The following SCAPER variants were observed in gnomAD, a reference collection of about 807,000 sequenced individuals.
The protein encoded by SCAPER is S-phase cyclin A associated protein in the ER, also known as S phase cyclin A-associated protein in the endoplasmic reticulum.
Under a neutral mutation model 182.2 loss-of-function variants are expected in SCAPER, and 98 were observed. That is an observed-to-expected ratio of 0.54 (90% confidence interval 0.46 to 0.64). The LOEUF (loss-of-function observed/expected upper bound fraction) is 0.64, where lower values mean the gene tolerates loss of function less well. Among genes scored for constraint, SCAPER ranks in the 30% least tolerant of loss-of-function variants. SCAPER has a pLI of 0.00. For synonymous variants in SCAPER, 605 were observed against 564.6 expected (o/e 1.07, Z -1.01); for missense variants, 1,432 against 1,690.0 (o/e 0.85, Z 2.68).
chr15:76,652,520 C>T (rs1160403999), intron 21 of SCAPER, among the ~76,000 whole-genome samples: 4 of 47,374 alleles, frequency 8.4e-5, no homozygotes, highest in Non-Finnish European at 1.7e-4. Flanking sequence ...TACATACATA[C>T]ACACACACAC....
intron 27 of SCAPER, among the ~76,000 whole-genome samples, chr15:76,390,781 G>A (rs1228115821): frequency 6.6e-6 from 1 of 152,130 alleles, no homozygotes; most frequent in Non-Finnish European, 1.5e-5. Flanking sequence ...TTGGGCTGAA[G>A]GAGCTCTGCC....
intron 5 of SCAPER, among the ~76,000 whole-genome samples, chr15:76,838,623 A>G (rs1280384801): frequency 6.6e-6 from 1 of 152,134 alleles, no homozygotes; most frequent in Non-Finnish European, 1.5e-5. Context: ...GTGCTACAAA[A>G]TCTCTAAGAT....
In SCAPER at chr15:76,813,249, A is replaced by AAC. The variant is rs1555617102; in HGVS notation, c.394-8617_394-8616insGT. On this transcript the variant is annotated intron_variant, in intron 5 of 31. Coordinates refer to ENST00000563290, the MANE Select transcript of SCAPER (RefSeq NM_020843.4). ...CACTAAAAAAAAAAAAAAAAAAAAA[A>AAC]AAAAAACAACTCAACAAAATAGGTA... Among the ~76,000 whole-genome samples the AAC allele has an allele frequency of 8.5e-3, 509 of 60,166 alleles. 28 individuals carry two copies. Among genetic ancestry groups the AAC allele is most frequent in the East Asian group, 0.023 (46 of 2,022 alleles). The allele number at this position is 60,166 out of a possible 152,430, so 39.5% of individuals were successfully genotyped here. A position where few individuals can be genotyped will look rare whatever the true frequency, so the allele number is the denominator to read the frequency against.
intron 25 of SCAPER, among the ~76,000 whole-genome samples, chr15:76,451,746 G>C (rs879307169): frequency 2.0e-5 from 3 of 152,156 alleles, no homozygotes; most frequent in Admixed American, 2.0e-4. Flanking sequence ...ACTTAGCTGT[G>C]TGTATGACCT....
At chr15:76,882,084 G>A (rs1361732823) in intron 2 of SCAPER, among the ~76,000 whole-genome samples, 1 of 152,046 alleles carries the variant, frequency 6.6e-6, no homozygotes, top group Non-Finnish European at 1.5e-5. Flanking sequence ...TGAGGACAGT[G>A]GAATCTCTTT....
chr15:76,724,135 C>T (rs1437698284), intron 17 of SCAPER, among the ~76,000 whole-genome samples: 1 of 124,630 alleles, frequency 8.0e-6, no homozygotes, highest in Non-Finnish European at 1.7e-5. Flanking sequence ...CAAAATCTCT[C>T]AGTCTTTGCT....
chr15:76,818,355 C>T (rs2067247839), intron 5 of SCAPER, among the ~76,000 whole-genome samples: 1 of 152,102 alleles, frequency 6.6e-6, no homozygotes. Flanking sequence ...TAAAGTATAA[C>T]TTGCAGGGAA....
At chr15:76,752,534 G>A (rs2062153956) in intron 15 of SCAPER, among the ~76,000 whole-genome samples, 1 of 151,696 alleles carries the variant, frequency 6.6e-6, no homozygotes, top group East Asian at 1.9e-4. Context: ...ACATACAATG[G>A]AAAATTACTC....
At chr15:76,802,810 G>A (rs760685820) in intron 6 of SCAPER, among the ~76,000 whole-genome samples, 20 of 152,112 alleles carry the variant, frequency 1.3e-4, no homozygotes, top group East Asian at 1.9e-4. Flanking sequence ...GGCAGGAGGC[G>A]GGGGGAAGCA....
chr15:76,440,825 A>G (rs761497278), intron 25 of SCAPER, among the ~76,000 whole-genome samples: 1 of 151,414 alleles, frequency 6.6e-6, no homozygotes, highest in Admixed American at 6.6e-5. Flanking sequence ...AACAATTTAC[A>G]TGGCTTGAAA....
intron 26 of SCAPER, among the ~76,000 whole-genome samples, chr15:76,431,192 C>A (rs1048940069): frequency 5.5e-5 from 7 of 128,374 alleles, no homozygotes; most frequent in Non-Finnish European, 1.0e-4. Flanking sequence ...AATACAGTTA[C>A]AATGTGCCAA....
chr15:76,545,732 G>T (rs157770), intron 23 of SCAPER, among the ~76,000 whole-genome samples: 12 of 152,098 alleles, frequency 7.9e-5, no homozygotes, highest in African/African-American at 2.4e-4. Context: ...AGTGGTCTCA[G>T]TAAGTCGAGA....
intron 24 of SCAPER, among the ~76,000 whole-genome samples, chr15:76,483,725 AT>A (rs768738886): frequency 1.3e-5 from 2 of 152,182 alleles, no homozygotes; most frequent in Admixed American, 6.5e-5. Context: ...CAGTATACAG[AT>A]TGTAAATAAT....
At chr15:76,449,059 G>C (rs753584822) in intron 25 of SCAPER, among the ~76,000 whole-genome samples, 29 of 152,270 alleles carry the variant, frequency 1.9e-4, no homozygotes, top group African/African-American at 6.5e-4. Context: ...AAATACAAAC[G>C]TGAGTCTTGG....
chr15:76,834,684 T>C (rs534918236), intron 5 of SCAPER, among the ~76,000 whole-genome samples: 7 of 151,878 alleles, frequency 4.6e-5, no homozygotes, highest in South Asian at 2.1e-4. Flanking sequence ...GAAAAAAAGA[T>C]TGAAATAAAC....
chr15:76,663,999 TA>T (rs749760865), intron 21 of SCAPER, among the ~76,000 whole-genome samples: 20 of 150,822 alleles, frequency 1.3e-4, no homozygotes, highest in African/African-American at 3.9e-4. Flanking sequence ...TAGTTACATT[TA>T]AAAAAAAAGG....
intron 23 of SCAPER, among the ~76,000 whole-genome samples, chr15:76,539,660 C>T (rs2044553380): frequency 6.6e-6 from 1 of 151,694 alleles, no homozygotes; most frequent in South Asian, 2.1e-4. Context: ...ATTCTCCTGC[C>T]TCAGCCTCCC....
At chr15:76,670,963 C>T (rs1359125391) in intron 20 of SCAPER, among the ~76,000 whole-genome samples, 1 of 152,074 alleles carries the variant, frequency 6.6e-6, no homozygotes, top group African/African-American at 2.4e-5. Context: ...AGATGGAAAG[C>T]ATGTAAAAAG....
intron 1 of SCAPER, among the ~76,000 whole-genome samples, chr15:76,904,174 C>T (rs1413224713): frequency 6.6e-6 from 1 of 151,922 alleles, no homozygotes; most frequent in Admixed American, 6.6e-5. Flanking sequence ...AGACTACCAA[C>T]CTTAGGTCAG....
Sources: gnomAD v4.1 joint callset for allele counts (sites outside exome capture counted in the v4.1 genomes callset) on GRCh38, gnomAD v4.1.1 for gene constraint, MANE v1.5 for transcripts, NCBI Gene and HGNC (gene_info 2026-07-23, HGNC 2026-07-21) for gene names.